Variants in PBX1 observed in about 807,000 individuals in gnomAD.
PBX1 encodes the protein PBX homeobox 1, also known as pre-B-cell leukemia transcription factor 1.
PBX1 carries 6 observed loss-of-function variants against 53.4 expected under a neutral mutation model. The ratio of observed to expected loss-of-function variants is 0.11; its 90% CI spans 0.06 to 0.22. The LOEUF (loss-of-function observed/expected upper bound fraction) is 0.22, where lower values mean the gene tolerates loss of function less well. PBX1 is among the 10% of genes least tolerant of loss of function. The pLI is 1.00. For missense variants in PBX1, 251 were observed against 551.4 expected, an observed-to-expected ratio of 0.46 and a Z score of 5.46; for synonymous variants, 204 against 212.3, an observed-to-expected ratio of 0.96 and a Z score of 0.34.
chr1:164,769,446 C>T (rs1221007462), intron 2 of PBX1: 1 of 152,120 alleles, frequency 6.6e-6, no homozygotes, highest in East Asian at 1.9e-4. Flanking sequence ...TAATGAAGGC[C>T]CCTGAGACAT....
intron 2 of PBX1, among the ~76,000 whole-genome samples, chr1:164,688,157 C>T (rs771488568): frequency 5.9e-5 from 9 of 152,206 alleles, no homozygotes; most frequent in Non-Finnish European, 1.3e-4. Flanking sequence ...GTCATTTTCT[C>T]AACCTTAGGG....
intron 2 of PBX1, among the ~76,000 whole-genome samples, chr1:164,728,935 C>G (rs1046670923): frequency 6.6e-6 from 1 of 152,206 alleles, no homozygotes; most frequent in African/African-American, 2.4e-5. Context: ...AGTGGGCCAG[C>G]TCATTATAAC....
intron 2 of PBX1, among the ~76,000 whole-genome samples, chr1:164,671,384 G>A (rs1180567538): frequency 6.6e-6 from 1 of 152,110 alleles, no homozygotes; most frequent in African/African-American, 2.4e-5. Flanking sequence ...CGTGTGAGGT[G>A]GAATTTTTCT....
intron 2 of PBX1, among the ~76,000 whole-genome samples, chr1:164,694,961 C>T (rs1164179784): frequency 1.3e-5 from 2 of 152,124 alleles, no homozygotes; most frequent in African/African-American, 4.8e-5. Context: ...TGAGGCCTGC[C>T]AGGAGACTCT....
At chr1:164,775,681 C>T (rs1396998676) in intron 2 of PBX1, among the ~76,000 whole-genome samples, 2 of 152,156 alleles carry the variant, frequency 1.3e-5, no homozygotes, top group Non-Finnish European at 2.9e-5. Flanking sequence ...GGATTCCCAT[C>T]CCTTTTGCGG....
chr1:164,710,957 G>A (rs141079389), intron 2 of PBX1, among the ~76,000 whole-genome samples: 15 of 152,338 alleles, frequency 9.8e-5, no homozygotes, highest in African/African-American at 2.9e-4. Flanking sequence ...CCAGCCAGGC[G>A]TGAACCTTAG....
chr1:164,760,679 T>G (rs1031363207), intron 2 of PBX1, among the ~76,000 whole-genome samples: 1 of 152,182 alleles, frequency 6.6e-6, no homozygotes, highest in Non-Finnish European at 1.5e-5. Context: ...CTAGAGTAAT[T>G]TGAATATTTC....
chr1:164,630,899 G>C (rs1300924086), intron 2 of PBX1: 10 of 152,202 alleles, frequency 6.6e-5, no homozygotes, highest in Admixed American at 6.5e-4. Context: ...AAGCCTAAGA[G>C]TCAGCAAGAC....
chr1:164,791,584 G>A (rs1255468853), intron 2 of PBX1, among the ~76,000 whole-genome samples: 1 of 152,162 alleles, frequency 6.6e-6, no homozygotes, highest in Admixed American at 6.5e-5. Context: ...CTGGATTTGT[G>A]TACTTCAGGT....
intron 2 of PBX1, among the ~76,000 whole-genome samples, chr1:164,572,766 A>G (rs1293484195): frequency 6.6e-6 from 1 of 152,206 alleles, no homozygotes; most frequent in Non-Finnish European, 1.5e-5. Flanking sequence ...TTCAATGAGT[A>G]TGCTCAACTA....
chr1:164,727,715 G>A (rs73025066), intron 2 of PBX1, among the ~76,000 whole-genome samples: 175 of 152,320 alleles, frequency 1.1e-3, no homozygotes, highest in African/African-American at 3.8e-3. Context: ...CTTCGCCATC[G>A]TTGGCTGCTG....
chr1:164,563,651 A>G (rs1653219675), intron 2 of PBX1, among the ~76,000 whole-genome samples: 1 of 152,090 alleles, frequency 6.6e-6, no homozygotes, highest in South Asian at 2.1e-4. Context: ...TAAGGAATAT[A>G]TTTTGGCCCA....
At chr1:164,727,818 C>T (rs933355004) in intron 2 of PBX1, among the ~76,000 whole-genome samples, 8 of 152,188 alleles carry the variant, frequency 5.3e-5, no homozygotes, top group Admixed American at 3.9e-4. Context: ...AGTCAGTACT[C>T]CCCTCTCCCA....
intron 2 of PBX1, among the ~76,000 whole-genome samples, chr1:164,642,427 C>T (rs180687518): frequency 1.9e-3 from 290 of 152,320 alleles, no homozygotes; most frequent in African/African-American, 5.4e-3. Flanking sequence ...AGGCATCTCT[C>T]CATTTTCATA....
intron 2 of PBX1, among the ~76,000 whole-genome samples, chr1:164,878,676 GA>G (rs199802441): frequency 2.7e-3 from 402 of 146,248 alleles, no homozygotes; most frequent in African/African-American, 4.5e-3. Flanking sequence ...ATTGCTATAG[GA>G]AAAAAAAAAA....
rs763668406 is a variant in PBX1 at position 164,821,575 on chromosome 1, A to T, written c.1149A>T (p.Gly383=). 8.7e-6 allele frequency: 14 copies of T among 1,614,066 alleles called. No individual in the cohort carries two copies. The South Asian group carries it at 1.5e-4, about 18-fold the overall frequency. Residue 383 remains glycine, a synonymous_variant, in exon 8 of 9, where the codon GGA becomes GGT. Transcript: ENST00000420696. ...GCCATGTTATCAGCCAGACAGGAGG[A>T]TACAGTGATGGACTCGCAGCCAGTC... is the stretch of plus-strand genomic sequence containing the variant. ...TLRHVISQTG[G]YSDGLAASQM... is the part of the protein sequence containing the mutation.
At chr1:164,799,669 A>G (rs376122733) in intron 3 of PBX1, 30 bp from the exon 4 acceptor site, 205 of 1,595,448 alleles carry the variant, frequency 1.3e-4, no homozygotes, top group Middle Eastern at 3.3e-4. Context: ...TGGACCCTCA[A>G]TGACGGTGTT....
intron 2 of PBX1, among the ~76,000 whole-genome samples, chr1:164,689,037 TC>T (rs1413059230): frequency 2.6e-5 from 4 of 152,208 alleles, no homozygotes; most frequent in Non-Finnish European, 5.9e-5. Context: ...GCAACGACCT[TC>T]CTCCAGGGCT....
chr1:164,813,022 T>C (rs1278898789), intron 6 of PBX1: 1 of 152,220 alleles, frequency 6.6e-6, no homozygotes, highest in African/African-American at 2.4e-5. Flanking sequence ...TGATTCTAAC[T>C]TAAAAGGTTA....
Sources: allele counts gnomAD v4.1 joint callset (sites outside exome capture counted in the v4.1 genomes callset), GRCh38; gene constraint gnomAD v4.1.1; transcripts MANE v1.5; gene names NCBI Gene and HGNC (gene_info 2026-07-23, HGNC 2026-07-21).